Variants in CLSTN1 observed in about 807,000 individuals in gnomAD.
The protein encoded by CLSTN1 is calsyntenin-1.
A neutral mutation model predicts 108.3 loss-of-function variants in CLSTN1; 28 were observed. That is an observed-to-expected ratio of 0.26 (90% CI 0.19 to 0.35). CLSTN1 has a LOEUF of 0.35. Among genes scored for constraint, CLSTN1 ranks in the 10% least tolerant of loss-of-function variants. The pLI, the probability that CLSTN1 is intolerant of heterozygous loss-of-function variation, is 1.00. For synonymous variants in CLSTN1, 524 were observed against 534.9 expected, an observed-to-expected ratio of 0.98 and a Z score of 0.28; for missense variants, 1,157 against 1,302.6, an observed-to-expected ratio of 0.89 and a Z score of 1.72.
intron 1 of CLSTN1, among the ~76,000 whole-genome samples, chr1:9,814,550 G>C (rs1196924843): frequency 6.6e-6 from 1 of 152,168 alleles, no homozygotes; most frequent in Non-Finnish European, 1.5e-5. Context: ...CAAAGGACTA[G>C]AAAAAATAAT....
At chr1:9,753,784 G>A (rs558047300) in intron 4 of CLSTN1, among the ~76,000 whole-genome samples, 2 of 152,162 alleles carry the variant, frequency 1.3e-5, no homozygotes, top group Non-Finnish European at 2.9e-5. Flanking sequence ...TGGGATTACA[G>A]GCGTGAGCCA....
In CLSTN1 at chr1:9,779,260, T is replaced by A. The variant is rs186429273; in HGVS notation, c.92-5866A>T. Among the ~76,000 whole-genome samples the A allele has an allele frequency of 4.8e-3, 726 of 152,102 alleles. 3 individuals are homozygous for A. Among genetic ancestry groups the A allele is most frequent in the African/African-American group, 0.016 (653 of 41,502 alleles). On this transcript the variant is annotated intron_variant, in intron 1 of 18. Transcript: ENST00000377298. ...ATCTAACCACTGAAACTCAACATCCTCTCCAGATTATCTTTTTAAAAAAAT... is the reference window on the plus strand; with the variant it reads ...ATCTAACCACTGAAACTCAACATCCACTCCAGATTATCTTTTTAAAAAAAT...
intron 7 of CLSTN1, among the ~76,000 whole-genome samples, chr1:9,747,342 GA>G (rs1651320427): frequency 6.6e-6 from 1 of 151,992 alleles, no homozygotes; most frequent in South Asian, 2.1e-4. Flanking sequence ...GTTTAAAACA[GA>G]AAATGTGCCA....
At chr1:9,816,377 C>T (rs1046304639) in intron 1 of CLSTN1, among the ~76,000 whole-genome samples, 2 of 152,022 alleles carry the variant, frequency 1.3e-5, no homozygotes, top group Non-Finnish European at 2.9e-5. Context: ...AGAATGATTG[C>T]TAACAGATAT....
intron 1 of CLSTN1, among the ~76,000 whole-genome samples, chr1:9,781,820 TA>T (rs1653265828): frequency 6.6e-6 from 1 of 152,188 alleles, no homozygotes; most frequent in South Asian, 2.1e-4. Flanking sequence ...ATAGCTTTGA[TA>T]GCTTTAATTT....
At chr1:9,796,445 A>C (rs952007419) in intron 1 of CLSTN1, among the ~76,000 whole-genome samples, 10 of 150,338 alleles carry the variant, frequency 6.7e-5, no homozygotes, top group African/African-American at 2.4e-4. Flanking sequence ...GGGAGGCCGA[A>C]GCGGGTGGAT....
At chr1:9,746,717 A>G (rs1046019987) in intron 7 of CLSTN1, among the ~76,000 whole-genome samples, 3 of 146,968 alleles carry the variant, frequency 2.0e-5, no homozygotes, top group Non-Finnish European at 3.0e-5. Flanking sequence ...GTCTCAAAAG[A>G]AAAAAAAAAA....
rs1195309299 is a variant in CLSTN1 at position 9,823,275 on chromosome 1, G to T, written c.91+368C>A. The stretch of plus-strand genomic sequence containing the variant: ...CCTGCGTGCGCCGCTGAGCAGGGCG[G>T]ACTGACCCTTCGGCCCGTCTGCACG... On this transcript the variant is annotated intron_variant, in intron 1 of 18. Coordinates refer to ENST00000377298, the MANE Select transcript of CLSTN1 (RefSeq NM_001009566.3). The surrounding 1 kb of genome is among the most constrained non-coding windows in gnomAD (Gnocchi z 6.3). Among the ~76,000 whole-genome samples the T allele has an allele frequency of 6.6e-6, 1 of 152,216 alleles. No homozygotes were observed. The highest frequency in any genetic ancestry group is 2.4e-5 in the African/African-American group (1 of 41,470).
At chr1:9,731,112 G>A in intron 18 of CLSTN1, 94 bp downstream of exon 18, 3 of 1,416,768 alleles carry the variant, frequency 2.1e-6, no homozygotes, top group Non-Finnish European at 3.0e-6. Flanking sequence ...GCGATGGAAA[G>A]CATGTGAACC....
intron 2 of CLSTN1, among the ~76,000 whole-genome samples, chr1:9,762,743 C>T (rs537817089): frequency 6.6e-6 from 1 of 150,538 alleles, no homozygotes; most frequent in Non-Finnish European, 1.5e-5. Context: ...GGCTGGGTGT[C>T]CGGGCTGTCC....
At chr1:9,814,998 T>C (rs773712317) in intron 1 of CLSTN1, among the ~76,000 whole-genome samples, 3 of 152,216 alleles carry the variant, frequency 2.0e-5, no homozygotes, top group Non-Finnish European at 4.4e-5. Flanking sequence ...GCCCTGCTCC[T>C]GGAACCAGGA....
At chr1:9,752,950 C>T (rs187812511) in intron 4 of CLSTN1, among the ~76,000 whole-genome samples, 1 of 152,248 alleles carries the variant, frequency 6.6e-6, no homozygotes, top group Non-Finnish European at 1.5e-5. Context: ...AAAGGGCTAG[C>T]AAGTGGTGGA....
intron 1 of CLSTN1, among the ~76,000 whole-genome samples, chr1:9,803,191 C>G (rs185478359): frequency 9.9e-5 from 15 of 152,054 alleles, no homozygotes; most frequent in Admixed American, 7.2e-4. Flanking sequence ...TGGGAAGGCA[C>G]GCTGCCAGAT....
intron 1 of CLSTN1, among the ~76,000 whole-genome samples, chr1:9,791,009 G>A (rs956784192): frequency 3.3e-5 from 5 of 151,186 alleles, no homozygotes; most frequent in Admixed American, 2.7e-4. Context: ...GTGGGCGCCT[G>A]TAGTCCCAGC....
chr1:9,747,936 C>A (rs1377183504), intron 7 of CLSTN1, among the ~76,000 whole-genome samples: 2 of 151,142 alleles, frequency 1.3e-5, no homozygotes, highest in African/African-American at 4.9e-5. Flanking sequence ...CCCAGCTACT[C>A]GGGAGGCTGA....
At chr1:9,821,670 C>G (rs763229914) in intron 1 of CLSTN1, among the ~76,000 whole-genome samples, 16 of 152,220 alleles carry the variant, frequency 1.1e-4, no homozygotes, top group South Asian at 1.0e-3. Context: ...AAAACGAGCC[C>G]ACAGAGTGTC....
chr1:9,800,350 A>T (rs1654204311), intron 1 of CLSTN1, among the ~76,000 whole-genome samples: 1 of 152,028 alleles, frequency 6.6e-6, no homozygotes, highest in Non-Finnish European at 1.5e-5. Flanking sequence ...CTATGAAAAA[A>T]AAAGAGAGAA....
chr1:9,784,403 G>A (rs1301462240), intron 1 of CLSTN1, among the ~76,000 whole-genome samples: 2 of 152,078 alleles, frequency 1.3e-5, no homozygotes, highest in African/African-American at 2.4e-5. Context: ...AGCTACTCGG[G>A]AGGCTGAGAC....
chr1:9,784,559 A>G (rs1468407364), intron 1 of CLSTN1, among the ~76,000 whole-genome samples: 1 of 152,188 alleles, frequency 6.6e-6, no homozygotes, highest in Non-Finnish European at 1.5e-5. Context: ...GCCTCTTATC[A>G]TGACACGTAG....
Sources: gnomAD v4.1 joint callset for allele counts (sites outside exome capture counted in the v4.1 genomes callset) on GRCh38, gnomAD v4.1.1 for gene constraint, Gnocchi (gnomAD v3.1) non-coding constraint, MANE v1.5 for transcripts, NCBI Gene and HGNC (gene_info 2026-07-23, HGNC 2026-07-21) for gene names.